SRGAP1: variants seen among roughly 807,000 people sequenced by gnomAD.
SRGAP1 encodes SLIT-ROBO Rho GTPase activating protein 1.
In SRGAP1, 43 loss-of-function variants were observed where a neutral mutation model predicts 121.9. The observed-to-expected ratio is 0.35, with a 90% CI of 0.28 to 0.46. SRGAP1 has a LOEUF of 0.46. Among genes scored for constraint, SRGAP1 ranks in the 20% least tolerant of loss-of-function variants. The pLI is 1.00. For missense variants in SRGAP1, 1,102 were observed against 1,350.9 expected (o/e 0.82, Z 2.89); for synonymous variants, 447 against 485.4 (o/e 0.92, Z 1.04).
chr12:64,006,805 T>A (rs10784376), intron 3 of SRGAP1, among the ~76,000 whole-genome samples: 81,176 of 151,592 alleles, frequency 0.54, 22,695 homozygotes, highest in East Asian at 0.79. Context: ...TGGTGCAGAT[T>A]AATAACGAGT....
chr12:64,121,856 G>A (rs2036610586), intron 18 of SRGAP1, among the ~76,000 whole-genome samples: 1 of 152,048 alleles, frequency 6.6e-6, no homozygotes, highest in African/African-American at 2.4e-5. Context: ...GAAAAACATT[G>A]CTTACAAAGG....
chr12:64,097,166 A>G (rs865854338), intron 14 of SRGAP1, 75 bp from the exon 15 acceptor site: 5 of 1,431,700 alleles, frequency 3.5e-6, no homozygotes, highest in South Asian at 2.7e-5. Flanking sequence ...AGCAACGTGT[A>G]TGTTCATAGA....
At chr12:63,979,009 G>A (rs1417162091) in intron 1 of SRGAP1, among the ~76,000 whole-genome samples, 3 of 150,010 alleles carry the variant, frequency 2.0e-5, no homozygotes, top group Admixed American at 2.0e-4. Flanking sequence ...ATATCATCTT[G>A]GGAGAAATGT....
intron 1 of SRGAP1, among the ~76,000 whole-genome samples, chr12:63,933,991 A>G (rs2031572614): frequency 6.6e-6 from 1 of 152,210 alleles, no homozygotes; most frequent in South Asian, 2.1e-4. Flanking sequence ...CCCAAGGAAA[A>G]AAGCCATCCT....
Position 64,152,902 on chromosome 12 carries a change from G to T in SRGAP1, c.*10230G>T. 1 of 125,780 alleles carries T rather than the reference G, an allele frequency of 8.0e-6. No individual in the cohort carries two copies. The highest frequency in any genetic ancestry group is 8.5e-5 in the Admixed American group (1 of 11,708). 7.8% of individuals were successfully genotyped at this position (125,780 alleles called of 1,614,324 possible). A position where few individuals can be genotyped will look rare whatever the true frequency, so the allele number is the denominator to read the frequency against. On this transcript the variant is annotated 3_prime_UTR_variant, in exon 22 of 22. Coordinates refer to ENST00000355086, the MANE Select transcript of SRGAP1 (RefSeq NM_020762.4). ...CCTGGTCTCATGGAGTGTACTTCCT[G>T]GTATGATTTAAAAAAAAAAAAAAAA... is the stretch of plus-strand genomic sequence containing the variant.
intron 1 of SRGAP1, among the ~76,000 whole-genome samples, chr12:63,859,243 C>T (rs989310035): frequency 1.3e-4 from 20 of 151,880 alleles, no homozygotes; most frequent in African/African-American, 3.1e-4. Context: ...TCATTGCAAC[C>T]GCCACCTCCC....
chr12:63,994,863 T>C (rs763925706), intron 3 of SRGAP1, among the ~76,000 whole-genome samples: 1 of 152,204 alleles, frequency 6.6e-6, no homozygotes, highest in African/African-American at 2.4e-5. Flanking sequence ...TTTCCATTAC[T>C]CATGCTGAAA....
In SRGAP1 at chr12:63,888,849, G is replaced by C. The variant is rs528239941; in HGVS notation, c.67+43966G>C. On this transcript the variant is annotated intron_variant, in intron 1 of 21. Coordinates refer to ENST00000355086, the MANE Select transcript of SRGAP1 (RefSeq NM_020762.4). Reference sequence around the variant, plus strand: ...TGGCTCATGGCAGGACAGTTTCTCTGTAACACCCCAAGCTGCCACAGCTGG... The same window carrying C: ...TGGCTCATGGCAGGACAGTTTCTCTCTAACACCCCAAGCTGCCACAGCTGG... 2.0e-5 allele frequency among the ~76,000 whole-genome samples: 3 copies of C among 152,244 alleles called. No homozygotes were observed. In the East Asian group the frequency reaches 5.8e-4, roughly 29 times the overall value.
chr12:63,947,856 G>C (rs2032098485), intron 1 of SRGAP1, among the ~76,000 whole-genome samples: 2 of 152,172 alleles, frequency 1.3e-5, no homozygotes, highest in Admixed American at 6.5e-5. Flanking sequence ...TGAATTAGAA[G>C]AGATCCTAAT....
chr12:63,922,097 G>T (rs183447394), intron 1 of SRGAP1, among the ~76,000 whole-genome samples: 1 of 151,892 alleles, frequency 6.6e-6, no homozygotes, highest in East Asian at 1.9e-4. Context: ...TCTTGCATCA[G>T]CCTCCCAAGT....
At chr12:63,892,859 A>G (rs1183901664) in intron 1 of SRGAP1, among the ~76,000 whole-genome samples, 1 of 151,972 alleles carries the variant, frequency 6.6e-6, no homozygotes, top group African/African-American at 2.4e-5. Flanking sequence ...TAGAGACTGT[A>G]GCGCATTTAA....
chr12:64,124,353 A>G (rs1455543126), intron 18 of SRGAP1, among the ~76,000 whole-genome samples: 1 of 152,254 alleles, frequency 6.6e-6, no homozygotes, highest in African/African-American at 2.4e-5. Flanking sequence ...TTTGCTACCA[A>G]ATAGAAGACA....
Position 64,151,677 on chromosome 12 carries a change from GTGAT to G in SRGAP1, c.*9006_*9009del, listed in dbSNP as rs1317529185. The G allele has an allele frequency of 6.6e-6, 1 of 152,174 alleles. No individual in the cohort carries two copies. The highest frequency in any genetic ancestry group is 2.4e-5 in the African/African-American group (1 of 41,428). The allele number at this position is 152,174 out of a possible 1,614,324, so 9.4% of individuals were successfully genotyped here. A position where few individuals can be genotyped will look rare whatever the true frequency, so the allele number is the denominator to read the frequency against. ...GTTTCTTTACCAGTGTACTAGGTGA[GTGAT>G]AGGCTCAATGCAAATTCTTAGCAGT... On this transcript the variant is annotated 3_prime_UTR_variant, in exon 22 of 22. Transcript: ENST00000355086.
chr12:63,947,611 C>T (rs754713039), intron 1 of SRGAP1, among the ~76,000 whole-genome samples: 9 of 144,730 alleles, frequency 6.2e-5, no homozygotes, highest in Admixed American at 1.4e-4. Context: ...GGATCTCTTT[C>T]TAGATTCTTT....
intron 1 of SRGAP1, among the ~76,000 whole-genome samples, chr12:63,962,655 G>A (rs1438818216): frequency 5.9e-5 from 9 of 152,114 alleles, no homozygotes; most frequent in African/African-American, 1.7e-4. Flanking sequence ...TGATCTGTCC[G>A]CTTTGACCTC....
chr12:64,070,360 A>AT (rs947669130), intron 8 of SRGAP1, among the ~76,000 whole-genome samples: 1 of 152,116 alleles, frequency 6.6e-6, no homozygotes, highest in Admixed American at 6.5e-5. Context: ...CGCCTTTTGT[A>AT]TTTTTTTAGG....
chr12:64,131,914 T>C (rs2036790518), intron 21 of SRGAP1, among the ~76,000 whole-genome samples: 1 of 152,186 alleles, frequency 6.6e-6, no homozygotes, highest in African/African-American at 2.4e-5. Flanking sequence ...CAGTGGCTCA[T>C]GCCTGTAATC....
At chr12:64,039,035 A>G (rs974149269) in intron 4 of SRGAP1, 3 of 152,244 alleles carry the variant, frequency 2.0e-5, no homozygotes, top group African/African-American at 2.4e-5. Flanking sequence ...TAAACACAAA[A>G]TACATTTGAC....
intron 16 of SRGAP1, among the ~76,000 whole-genome samples, chr12:64,110,257 T>C (rs1399447130): frequency 6.6e-6 from 1 of 152,160 alleles, no homozygotes; most frequent in Non-Finnish European, 1.5e-5. Context: ...CAAATCTTCC[T>C]GACACACCTG....
Sources: allele counts gnomAD v4.1 joint callset (sites outside exome capture counted in the v4.1 genomes callset), GRCh38; gene constraint gnomAD v4.1.1; transcripts MANE v1.5; gene names NCBI Gene and HGNC (gene_info 2026-07-23, HGNC 2026-07-21).